PSME4: variants seen among roughly 807,000 people sequenced by gnomAD.
PSME4 encodes proteasome activator subunit 4, also known as proteasome activator complex subunit 4.
In PSME4, 89 loss-of-function variants were observed where a neutral mutation model predicts 253.9. The observed-to-expected ratio is 0.35, with a 90% CI of 0.30 to 0.42. PSME4 has a LOEUF of 0.42. PSME4 is among the 10% of genes least tolerant of loss of function. The probability of loss-of-function intolerance (pLI) is 1.00; values close to 1 mark genes in which losing one functional copy is unlikely to be tolerated. For synonymous variants in PSME4, 851 were observed against 759.2 expected (o/e 1.12, Z -1.99); for missense variants, 2,014 against 2,195.2 (o/e 0.92, Z 1.65).
chr2:53,866,940 A>C, intron 44 of PSME4, 60 bp from the exon 45 acceptor site: 1 of 1,487,410 alleles, frequency 6.7e-7, no homozygotes, highest in South Asian at 1.4e-5. Context: ...CACTTGTTAC[A>C]GTGAGATAAA....
intron 20 of PSME4, among the ~76,000 whole-genome samples, chr2:53,911,305 G>T (rs805320): frequency 0.49 from 75,097 of 151,840 alleles, 18,980 homozygotes; most frequent in East Asian, 0.7. Flanking sequence ...TATTAATATT[G>T]TATATTAATA....
At chr2:53,893,425 TAA>T (rs1335659433) in intron 35 of PSME4, among the ~76,000 whole-genome samples, 2 of 152,172 alleles carry the variant, frequency 1.3e-5, no homozygotes, top group Non-Finnish European at 2.9e-5. Context: ...TAAATCATCT[TAA>T]GAGTACTTTT....
chr2:53,944,159 G>A (rs767698930), intron 3 of PSME4, among the ~76,000 whole-genome samples: 3 of 151,920 alleles, frequency 2.0e-5, no homozygotes, highest in African/African-American at 4.8e-5. Flanking sequence ...ATAAAATCTG[G>A]TAAATTTTTT....
intron 41 of PSME4, among the ~76,000 whole-genome samples, chr2:53,880,806 T>C (rs75391739): frequency 0.03 from 4,574 of 152,184 alleles, 220 homozygotes; most frequent in African/African-American, 0.1. Context: ...TTCAAATCTC[T>C]AGGCATTACA....
chr2:53,945,426 C>T (rs1034790038), intron 3 of PSME4, among the ~76,000 whole-genome samples: 1 of 151,990 alleles, frequency 6.6e-6, no homozygotes, highest in African/African-American at 2.4e-5. Context: ...AGAAAGTAGA[C>T]TGAGATGAGG....
chr2:53,937,349 C>G (rs376716399), intron 5 of PSME4, 42 bp downstream of exon 5: 1 of 1,467,050 alleles, frequency 6.8e-7, no homozygotes. Flanking sequence ...TCTGTATTTC[C>G]TACCGTATTT....
intron 32 of PSME4, among the ~76,000 whole-genome samples, chr2:53,896,309 A>G (rs570544120): frequency 2.6e-5 from 4 of 152,150 alleles, no homozygotes; most frequent in Non-Finnish European, 5.9e-5. Flanking sequence ...AAATTAAAAC[A>G]TTTTCTTCTG....
intron 43 of PSME4, chr2:53,871,098 A>ATATTC (rs1678855328): frequency 6.6e-6 from 1 of 152,238 alleles, no homozygotes; most frequent in Admixed American, 6.5e-5. Flanking sequence ...GTTATACCTT[A>ATATTC]CACTGCTTTT....
At chr2:53,950,602 G>T (rs1434030024) in intron 1 of PSME4, among the ~76,000 whole-genome samples, 1 of 152,028 alleles carries the variant, frequency 6.6e-6, no homozygotes, top group Admixed American at 6.6e-5. Context: ...AGCACTTTGG[G>T]AGGCCGACGT....
intron 41 of PSME4, among the ~76,000 whole-genome samples, chr2:53,876,568 T>C (rs1339937522): frequency 6.6e-6 from 1 of 150,480 alleles, no homozygotes; most frequent in Non-Finnish European, 1.5e-5. Context: ...CCTTCTTCAT[T>C]ATTAGCTAGA....
At chr2:53,956,046 T>C (rs1320867585) in intron 1 of PSME4, among the ~76,000 whole-genome samples, 1 of 149,594 alleles carries the variant, frequency 6.7e-6, no homozygotes, top group Non-Finnish European at 1.5e-5. Flanking sequence ...AGGCAGATGG[T>C]TTAAGCCCAG....
chr2:53,947,478 G>C (rs1205051266), intron 3 of PSME4, among the ~76,000 whole-genome samples: 1 of 152,104 alleles, frequency 6.6e-6, no homozygotes, highest in Non-Finnish European at 1.5e-5. Flanking sequence ...GGCTGAGGCA[G>C]GGGGATCACG....
intron 3 of PSME4, among the ~76,000 whole-genome samples, chr2:53,941,269 C>G (rs1338815606): frequency 6.8e-6 from 1 of 146,282 alleles, no homozygotes; most frequent in East Asian, 2.0e-4. Flanking sequence ...GAAGAGGCAA[C>G]TAGATTACAA....
intron 41 of PSME4, among the ~76,000 whole-genome samples, chr2:53,877,565 A>C (rs1384298631): frequency 1.3e-5 from 2 of 152,242 alleles, no homozygotes; most frequent in African/African-American, 4.8e-5. Flanking sequence ...ATTCAGCGAC[A>C]TCAGGGGTAG....
In PSME4 at chr2:53,920,280, G is replaced by A; in HGVS notation, c.2333C>T (p.Ser778Phe). The A allele has an allele frequency of 6.2e-7, 1 of 1,613,886 alleles. No individual in the cohort carries two copies. Among genetic ancestry groups the A allele is most frequent in the Non-Finnish European group, 8.5e-7 (1 of 1,179,866 alleles). ...QWHVPSSEEV[S>F]FAFYLLDSFL... Reference sequence around the variant, plus strand: ...GGAGTCCAAAAGATAAAAGGCAAAAGACACTTCTTCTGAAGAAGGAACATG... The same window carrying A: ...GGAGTCCAAAAGATAAAAGGCAAAAAACACTTCTTCTGAAGAAGGAACATG... Residue 778 changes from serine (S) to phenylalanine (F), a missense_variant, in exon 19 of 47, where the codon TCT becomes TTT. This residue lies in a region of PSME4 where 989 missense variants were observed against 1,021.1 expected (regional missense o/e 0.97). Coordinates refer to ENST00000404125, the MANE Select transcript of PSME4 (RefSeq NM_014614.3).
intron 10 of PSME4, among the ~76,000 whole-genome samples, chr2:53,928,764 T>C (rs1029714274): frequency 7.2e-5 from 11 of 152,154 alleles, no homozygotes; most frequent in African/African-American, 2.7e-4. Context: ...GAGACACTAC[T>C]GTACACAAAT....
At chr2:53,877,002 C>T (rs192655397) in intron 41 of PSME4, among the ~76,000 whole-genome samples, 1 of 152,030 alleles carries the variant, frequency 6.6e-6, no homozygotes, top group African/African-American at 2.4e-5. Context: ...AGATTACAGG[C>T]ATGGGCCAGT....
chr2:53,957,416 T>A lies in PSME4; in HGVS notation c.243-8133A>T, dbSNP rs977166301. ...CAACTTAGATGGTCCCATTGGGGGG[T>A]GATGGGAGACAGTGACAGATCATCA... is the stretch of plus-strand genomic sequence containing the variant. On this transcript the variant is annotated intron_variant, in intron 1 of 46. Transcript: ENST00000404125. Among the ~76,000 whole-genome samples, 3 of 151,380 alleles carry A rather than the reference T, an allele frequency of 2.0e-5. No individual in the cohort carries two copies. In the East Asian group the frequency reaches 5.8e-4, roughly 29 times the overall value.
intron 20 of PSME4, among the ~76,000 whole-genome samples, chr2:53,914,688 C>G (rs1667976889): frequency 6.6e-6 from 1 of 152,060 alleles, no homozygotes; most frequent in African/African-American, 2.4e-5. Flanking sequence ...CAAGACCAGC[C>G]CAGCCAAGAT....
Sources: gnomAD v4.1 joint callset for allele counts (sites outside exome capture counted in the v4.1 genomes callset) on GRCh38, gnomAD v4.1.1 for gene constraint, gnomAD v4.1.1 regional missense constraint, MANE v1.5 for transcripts, NCBI Gene and HGNC (gene_info 2026-07-23, HGNC 2026-07-21) for gene names.